The following WWOX variants were observed in gnomAD, a reference collection of about 807,000 sequenced individuals.
The protein encoded by WWOX is WW domain containing oxidoreductase.
A neutral mutation model predicts 46.2 loss-of-function variants in WWOX; 69 were observed. The ratio of observed to expected loss-of-function variants is 1.49; its 90% CI spans 1.23 to 1.82. The LOEUF (loss-of-function observed/expected upper bound fraction) is 1.82. WWOX is among the 40% of genes most tolerant of loss of function. WWOX has a pLI of 0.00. For missense variants in WWOX, 919 were observed against 542.6 expected (o/e 1.69, Z -6.89); for synonymous variants, 359 against 202.6 (o/e 1.77, Z -6.56).
Position 79,008,826 on chromosome 16 carries a change from G to A in WWOX, c.1057-202782G>A, listed in dbSNP as rs563951613. On this transcript the variant is annotated intron_variant, in intron 8 of 8. Coordinates refer to ENST00000566780, the MANE Select transcript of WWOX (RefSeq NM_016373.4). Reference sequence around the variant, plus strand: ...GCCCCACAAACGTGCACCTGCAGCCGGAGACCAGGGGGCCCCGATCAGGTG... The same window carrying A: ...GCCCCACAAACGTGCACCTGCAGCCAGAGACCAGGGGGCCCCGATCAGGTG... 1.4e-4 allele frequency among the ~76,000 whole-genome samples: 22 copies of A among 152,302 alleles called. No individual in the cohort carries two copies. The East Asian group carries it at 3.9e-3, about 27-fold the overall frequency.
intron 8 of WWOX, among the ~76,000 whole-genome samples, chr16:78,808,219 A>C (rs1300248984): frequency 6.6e-6 from 1 of 152,144 alleles, no homozygotes; most frequent in Non-Finnish European, 1.5e-5. Context: ...TCCTCCTGTG[A>C]TACCCATAGG....
intron 8 of WWOX, among the ~76,000 whole-genome samples, chr16:78,647,605 A>G (rs895077119): frequency 6.6e-6 from 1 of 152,206 alleles, no homozygotes; most frequent in Non-Finnish European, 1.5e-5. Context: ...TCCCCATTCT[A>G]TAAAATAACA....
chr16:78,816,956 C>G (rs982661709), intron 8 of WWOX, among the ~76,000 whole-genome samples: 1 of 152,048 alleles, frequency 6.6e-6, no homozygotes, highest in African/African-American at 2.4e-5. Flanking sequence ...CAGAAACAAA[C>G]AAGTAAATAC....
intron 8 of WWOX, among the ~76,000 whole-genome samples, chr16:78,846,252 A>G (rs779888936): frequency 6.6e-6 from 1 of 152,240 alleles, no homozygotes; most frequent in Non-Finnish European, 1.5e-5. Context: ...TACATTTTTC[A>G]GCACTGAGAA....
intron 8 of WWOX, among the ~76,000 whole-genome samples, chr16:78,924,674 G>C (rs1370399173): frequency 6.6e-6 from 1 of 152,186 alleles, no homozygotes; most frequent in East Asian, 1.9e-4. Context: ...ACATTTATTA[G>C]TTGGCTTCTG....
chr16:78,674,784 C>T (rs1170684037), intron 8 of WWOX, among the ~76,000 whole-genome samples: 1 of 151,886 alleles, frequency 6.6e-6, no homozygotes, highest in African/African-American at 2.4e-5. Context: ...ATGTACTCTT[C>T]CCATATATTT....
At chr16:78,485,449 ACT>A (rs1159594045) in intron 8 of WWOX, among the ~76,000 whole-genome samples, 1 of 151,246 alleles carries the variant, frequency 6.6e-6, no homozygotes, top group African/African-American at 2.4e-5. Context: ...TAGGAACCAA[ACT>A]CTCTTTCTTC....
intron 8 of WWOX, among the ~76,000 whole-genome samples, chr16:79,023,312 T>C (rs2047572331): frequency 6.6e-6 from 1 of 152,362 alleles, no homozygotes; most frequent in South Asian, 2.1e-4. Context: ...GAGTGCTTTA[T>C]AGACCTCTGA....
intron 8 of WWOX, among the ~76,000 whole-genome samples, chr16:78,927,763 T>C (rs1394055707): frequency 6.6e-6 from 1 of 152,208 alleles, no homozygotes; most frequent in Non-Finnish European, 1.5e-5. Context: ...GTTTCATTGC[T>C]CCAGCGTGGG....
chr16:78,885,932 T>G (rs1275038471), intron 8 of WWOX, among the ~76,000 whole-genome samples: 1 of 150,802 alleles, frequency 6.6e-6, no homozygotes, highest in African/African-American at 2.4e-5. Context: ...GAATTTTTTT[T>G]TTTTTTTTTT....
At chr16:78,240,110 T>C (rs1305761050) in intron 5 of WWOX, among the ~76,000 whole-genome samples, 1 of 152,076 alleles carries the variant, frequency 6.6e-6, no homozygotes, top group Non-Finnish European at 1.5e-5. Context: ...CAGATGTAAT[T>C]AGCTAAGAAT....
At chr16:79,186,340 C>T (rs1342462952) in intron 8 of WWOX, among the ~76,000 whole-genome samples, 2 of 152,170 alleles carry the variant, frequency 1.3e-5, no homozygotes, top group Non-Finnish European at 2.9e-5. Flanking sequence ...GGCCATGCTC[C>T]TTCTCTAGAG....
chr16:78,994,969 C>CTTTTTTTTTTTTTTTTTTTTT (rs869088414), intron 8 of WWOX, among the ~76,000 whole-genome samples: 18 of 114,644 alleles, frequency 1.6e-4, no homozygotes, highest in Non-Finnish European at 2.2e-4. Flanking sequence ...TCTTCTTCTT[C>CTTTTTTTTTTTTTTTTTTTTT]TTTTTTTTTT....
rs1027637347 is a variant in WWOX, at chr16:78,649,350, C to A, written c.1056+216598C>A. Among the ~76,000 whole-genome samples the A allele has an allele frequency of 3.9e-5, 6 of 152,066 alleles. No homozygotes were observed. The East Asian group carries it at 5.8e-4, about 15-fold the overall frequency. ...CCAGATTGGAGTGCAGTGGTGCAAT[C>A]CTAGCTTACTGCAGCCTGTAGGTCC... On this transcript the variant is annotated intron_variant, in intron 8 of 8. Transcript: ENST00000566780.
At chr16:78,370,491 C>T (rs372497190) in intron 5 of WWOX, among the ~76,000 whole-genome samples, 2,099 of 30,732 alleles carry the variant, frequency 0.068, 60 homozygotes, top group African/African-American at 0.28. Context: ...GGGGTATCTA[C>T]GATGTTTTTT....
chr16:79,207,812 G>C (rs1446974356), intron 8 of WWOX, among the ~76,000 whole-genome samples: 4 of 151,106 alleles, frequency 2.6e-5, no homozygotes, highest in African/African-American at 9.7e-5. Context: ...ACCATATATT[G>C]TTTATCAGAA....
intron 8 of WWOX, among the ~76,000 whole-genome samples, chr16:78,921,836 A>T (rs557253560): frequency 6.6e-6 from 1 of 152,214 alleles, no homozygotes; most frequent in African/African-American, 2.4e-5. Context: ...CCTCAAACCC[A>T]TCCTCATGGC....
At chr16:79,134,253 T>C (rs1479255667) in intron 8 of WWOX, among the ~76,000 whole-genome samples, 1 of 152,164 alleles carries the variant, frequency 6.6e-6, no homozygotes, top group African/African-American at 2.4e-5. Context: ...GGGCAGTACA[T>C]GTTGCAGGTA....
At chr16:78,879,824 C>G (rs1462797364) in intron 8 of WWOX, among the ~76,000 whole-genome samples, 1 of 151,382 alleles carries the variant, frequency 6.6e-6, no homozygotes, top group African/African-American at 2.4e-5. Context: ...TTGCCGTGAG[C>G]TGAGATCATG....
Sources: allele counts gnomAD v4.1 joint callset (sites outside exome capture counted in the v4.1 genomes callset), GRCh38; gene constraint gnomAD v4.1.1; transcripts MANE v1.5; gene names NCBI Gene and HGNC (gene_info 2026-07-23, HGNC 2026-07-21).